The following XRCC4 variants were observed in gnomAD, a reference collection of about 807,000 sequenced individuals.
The protein encoded by XRCC4 is DNA repair protein XRCC4.
A neutral mutation model predicts 39.1 loss-of-function variants in XRCC4; 28 were observed. The ratio of observed to expected loss-of-function variants is 0.72; its 90% CI spans 0.53 to 0.98. The LOEUF (loss-of-function observed/expected upper bound fraction) is 0.98. XRCC4 is among the 50% of genes least tolerant of loss of function. The probability of loss-of-function intolerance (pLI) is 0.00; values close to 1 mark genes in which losing one functional copy is unlikely to be tolerated. For missense variants in XRCC4, 350 were observed against 376.4 expected, an observed-to-expected ratio of 0.93 and a Z score of 0.58; for synonymous variants, 123 against 126.4, an observed-to-expected ratio of 0.97 and a Z score of 0.18.
chr5:83,248,805 A>T (rs1481947595), intron 6 of XRCC4, among the ~76,000 whole-genome samples: 1 of 152,208 alleles, frequency 6.6e-6, no homozygotes, highest in Non-Finnish European at 1.5e-5. Flanking sequence ...TAACCAAAGG[A>T]TATACAAATT....
At chr5:83,174,039 G>A (rs767931274) in intron 3 of XRCC4, among the ~76,000 whole-genome samples, 4 of 152,032 alleles carry the variant, frequency 2.6e-5, no homozygotes, top group Non-Finnish European at 5.9e-5. Context: ...ATGTTTACTC[G>A]GTTTAAAAAT....
the XRCC4 span, among the ~76,000 whole-genome samples, chr5:83,362,588 A>G: frequency 1.3e-5 from 2 of 152,158 alleles, no homozygotes; most frequent in African/African-American, 4.8e-5. Flanking sequence ...ATAATAAAAC[A>G]AACACTAGTG....
At chr5:83,371,172 T>A in the XRCC4 span, among the ~76,000 whole-genome samples, 3 of 152,198 alleles carry the variant, frequency 2.0e-5, no homozygotes, top group African/African-American at 7.2e-5. Flanking sequence ...GCTCCCTTCA[T>A]CCTCTGGCTA....
At chr5:83,298,751 C>A (rs1179844067) in intron 7 of XRCC4, among the ~76,000 whole-genome samples, 3 of 151,792 alleles carry the variant, frequency 2.0e-5, no homozygotes, top group African/African-American at 7.3e-5. Context: ...ACAACATGTT[C>A]TCTTAACTTA....
intron 3 of XRCC4, among the ~76,000 whole-genome samples, chr5:83,193,495 G>T (rs1263596297): frequency 2.0e-5 from 3 of 152,154 alleles, no homozygotes; most frequent in Non-Finnish European, 2.9e-5. Context: ...GCTGCAAAAA[G>T]ATCTAAGAGG....
intron 7 of XRCC4, among the ~76,000 whole-genome samples, chr5:83,269,500 G>T (rs1402997929): frequency 1.3e-5 from 2 of 151,210 alleles, no homozygotes; most frequent in African/African-American, 2.4e-5. Context: ...GAAAAAATTT[G>T]CTACTCTTTC....
chr5:83,264,607 G>A (rs1381674887), intron 7 of XRCC4, among the ~76,000 whole-genome samples: 1 of 151,970 alleles, frequency 6.6e-6, no homozygotes, highest in Non-Finnish European at 1.5e-5. Context: ...TGGGAAACTC[G>A]TAATCCCACC....
intron 7 of XRCC4, among the ~76,000 whole-genome samples, chr5:83,335,361 A>AT (rs1756563420): frequency 6.6e-6 from 1 of 151,818 alleles, no homozygotes; most frequent in South Asian, 2.1e-4. Context: ...ACAACAAAGT[A>AT]TTTTTTACAA....
At chr5:83,237,970 A>C (rs1752754563) in intron 6 of XRCC4, among the ~76,000 whole-genome samples, 1 of 152,194 alleles carries the variant, frequency 6.6e-6, no homozygotes, top group Non-Finnish European at 1.5e-5. Flanking sequence ...TCCAGTAATT[A>C]AATATGTTTA....
At chr5:83,135,948 C>T (rs1747876863) in intron 3 of XRCC4, among the ~76,000 whole-genome samples, 1 of 151,986 alleles carries the variant, frequency 6.6e-6, no homozygotes, top group African/African-American at 2.4e-5. Context: ...TGATTGTATG[C>T]TAAACATTGT....
At chr5:83,264,428 T>G (rs1753882430) in intron 7 of XRCC4, among the ~76,000 whole-genome samples, 1 of 152,178 alleles carries the variant, frequency 6.6e-6, no homozygotes. Flanking sequence ...TTTTTATTAT[T>G]AATGTTATGA....
intron 6 of XRCC4, among the ~76,000 whole-genome samples, chr5:83,224,019 T>C (rs1752195478): frequency 1.3e-5 from 2 of 152,150 alleles, no homozygotes; most frequent in Admixed American, 6.5e-5. Flanking sequence ...CAGTCTATCA[T>C]TGATGGACAT....
intron 6 of XRCC4, among the ~76,000 whole-genome samples, chr5:83,242,377 CTCCTT>C (rs1367713341): frequency 6.6e-6 from 1 of 152,136 alleles, no homozygotes; most frequent in Non-Finnish European, 1.5e-5. Flanking sequence ...ATGCACAACT[CTCCTT>C]TATTTTAAAA....
chr5:83,113,885 C>T (rs905692568), intron 3 of XRCC4, among the ~76,000 whole-genome samples: 3 of 152,208 alleles, frequency 2.0e-5, no homozygotes, highest in African/African-American at 7.2e-5. Flanking sequence ...CTCAGCCCCC[C>T]AAAGTGCTGG....
Position 83,214,440 on chromosome 5 carries a change from T to A in XRCC4, c.745+9519T>A, listed in dbSNP as rs533639576. Among the ~76,000 whole-genome samples the A allele has an allele frequency of 4.6e-5, 7 of 152,216 alleles. No individual in the cohort carries two copies. The East Asian group carries it at 1.2e-3, about 25-fold the overall frequency. ...GCAAAAAATGAAATAAGAAAATTGC[T>A]CCTGGCCATGGTGGTGTATTCCTAT... On this transcript the variant is annotated intron_variant, in intron 6 of 7. Coordinates refer to ENST00000396027, the MANE Select transcript of XRCC4 (RefSeq NM_003401.5).
chr5:83,258,255 T>A (rs745856276), intron 6 of XRCC4, among the ~76,000 whole-genome samples: 4 of 152,052 alleles, frequency 2.6e-5, no homozygotes, highest in African/African-American at 4.8e-5. Flanking sequence ...AAAAATACTA[T>A]CTCCATTAAA....
chr5:83,203,071 A>C lies in XRCC4; in HGVS notation c.483-481A>C, dbSNP rs28360146. Reference sequence around the variant, plus strand: ...GTGTGTGTGGTGCTCGCTTATAAGAATATAACTGGATAAGTCGTGTTCTTG... The same window carrying C: ...GTGTGTGTGGTGCTCGCTTATAAGACTATAACTGGATAAGTCGTGTTCTTG... On this transcript the variant is annotated intron_variant, in intron 4 of 7. Transcript: ENST00000396027. 4.2e-3 allele frequency among the ~76,000 whole-genome samples: 642 copies of C among 152,140 alleles called. 6 individuals are homozygous for C. The highest frequency in any genetic ancestry group is 0.015 in the African/African-American group (614 of 41,532).
chr5:83,324,947 T>C (rs1756198977), intron 7 of XRCC4, among the ~76,000 whole-genome samples: 1 of 152,156 alleles, frequency 6.6e-6, no homozygotes, highest in Non-Finnish European at 1.5e-5. Context: ...GGTGATCATG[T>C]AGAATGGACG....
chr5:83,204,822 G>T lies in XRCC4; in HGVS notation c.646G>T (p.Ala216Ser), dbSNP rs151332331. 2 of 1,607,184 alleles carry T rather than the reference G, an allele frequency of 1.2e-6. No homozygotes were observed. The highest frequency in any genetic ancestry group is 1.7e-6 in the Non-Finnish European group (2 of 1,175,492). ...EKDIKQEGET[A>S]ICSEMTADRD... is the part of the protein sequence containing the mutation. ...ACCTTTCTCTGTTTCTAGGGAAACT[G>T]CAATCTGTTCTGAAATGACTGCTGA... Residue 216 changes from alanine (A) to serine (S), a missense_variant, in exon 6 of 8, where the codon GCA becomes TCA. Coordinates refer to ENST00000396027, the MANE Select transcript of XRCC4 (RefSeq NM_003401.5).
Sources: allele counts gnomAD v4.1 joint callset (sites outside exome capture counted in the v4.1 genomes callset), GRCh38; gene constraint gnomAD v4.1.1; transcripts MANE v1.5; gene names NCBI Gene and HGNC (gene_info 2026-07-23, HGNC 2026-07-21).